Variants in RHBDL3 observed in about 807,000 individuals in gnomAD.
The protein encoded by RHBDL3 is rhomboid-related protein 3.
Under a neutral mutation model 48.2 loss-of-function variants are expected in RHBDL3, and 28 were observed. The ratio of observed to expected loss-of-function variants is 0.58; its 90% CI spans 0.43 to 0.80. RHBDL3 has a LOEUF of 0.80. Ranked by LOEUF, RHBDL3 falls within the 30% of genes least tolerant of loss-of-function variation. The pLI, the probability that RHBDL3 is intolerant of heterozygous loss-of-function variation, is 0.00. For missense variants in RHBDL3, 464 were observed against 542.7 expected (o/e 0.85, Z 1.44); for synonymous variants, 208 against 232.3 (o/e 0.90, Z 0.95).
At chr17:32,320,673 T>G (rs75749401) in intron 8 of RHBDL3, among the ~76,000 whole-genome samples, 2,446 of 152,330 alleles carry the variant, frequency 0.016, 68 homozygotes, top group Admixed American at 0.081. Flanking sequence ...GGCTAAAGAA[T>G]TTCCCTCCTT....
chr17:32,294,124 A>C (rs537319603), intron 4 of RHBDL3, among the ~76,000 whole-genome samples, 170 bp from the exon 5 acceptor site: 2 of 136,564 alleles, frequency 1.5e-5, no homozygotes, highest in African/African-American at 3.0e-5. Flanking sequence ...GCGAAACTCC[A>C]TCTCAAAAAA....
At chr17:32,283,785 C>T (rs918124134) in intron 2 of RHBDL3, among the ~76,000 whole-genome samples, 2 of 152,160 alleles carry the variant, frequency 1.3e-5, no homozygotes, top group Admixed American at 6.5e-5. Flanking sequence ...GATACCGACC[C>T]GCGAGGCGCC....
intron 4 of RHBDL3, among the ~76,000 whole-genome samples, chr17:32,291,339 GAAAAA>G (rs930949086): frequency 7.9e-6 from 1 of 125,904 alleles, no homozygotes; most frequent in African/African-American, 3.0e-5. Flanking sequence ...TCTCAAAAAA[GAAAAA>G]AAGAAAAAAA....
chr17:32,278,594 C>G (rs1325495700), intron 2 of RHBDL3, among the ~76,000 whole-genome samples: 2 of 152,152 alleles, frequency 1.3e-5, no homozygotes, highest in African/African-American at 4.8e-5. Flanking sequence ...TTAGCCACAG[C>G]ACTCTAGTGA....
intron 2 of RHBDL3, among the ~76,000 whole-genome samples, chr17:32,276,728 GGCCCTAGCACCTTACTCCA>G (rs1349572011): frequency 4.6e-4 from 52 of 113,212 alleles, no homozygotes; most frequent in African/African-American, 1.2e-3. Flanking sequence ...ACCTTACTCC[GGCCCTAGCACCTTACTCCA>G]GCCCTAGCAC....
chr17:32,284,673 CACAGGCT>C lies in RHBDL3; in HGVS notation c.154_160del (p.Gly52LeufsTer45). On this transcript the variant is annotated frameshift_variant, in exon 3 of 9. Coordinates refer to ENST00000269051, the MANE Select transcript of RHBDL3 (RefSeq NM_138328.3). LOFTEE classifies it high-confidence loss of function. ...TTTTCCCTCAGTTTGACCCTGGGAACACAGGCTACATTAGCACAGGCAAGTTCCGGAG... is the reference window on the plus strand; with the variant it reads ...TTTTCCCTCAGTTTGACCCTGGGAACACATTAGCACAGGCAAGTTCCGGAG... 1 of 1,614,110 alleles carries C rather than the reference CACAGGCT, an allele frequency of 6.2e-7. No individual in the cohort carries two copies. Among genetic ancestry groups the C allele is most frequent in the Non-Finnish European group, 8.5e-7 (1 of 1,179,958 alleles).
intron 2 of RHBDL3, among the ~76,000 whole-genome samples, chr17:32,269,501 A>G (rs1271040658): frequency 1.3e-5 from 2 of 152,236 alleles, no homozygotes; most frequent in African/African-American, 4.8e-5. Flanking sequence ...GCCTGGGGTG[A>G]GGATTTGGGG....
intron 2 of RHBDL3, among the ~76,000 whole-genome samples, chr17:32,271,548 G>T (rs898516219): frequency 1.3e-5 from 2 of 152,166 alleles, no homozygotes; most frequent in African/African-American, 4.8e-5. Flanking sequence ...AAATAGCGGG[G>T]CAGTGACAGA....
At chr17:32,313,172 A>T (rs2040885201) in intron 7 of RHBDL3, among the ~76,000 whole-genome samples, 2 of 152,028 alleles carry the variant, frequency 1.3e-5, no homozygotes, top group South Asian at 4.2e-4. Context: ...ACCTGACAAC[A>T]TAGTGAAGTT....
intron 6 of RHBDL3, among the ~76,000 whole-genome samples, chr17:32,302,844 G>A (rs961444858): frequency 3.9e-5 from 6 of 152,174 alleles, no homozygotes; most frequent in Non-Finnish European, 5.9e-5. Context: ...CTCCAGCACT[G>A]GCAAACTGTT....
At chr17:32,276,892 T>TTACTCCGGCCCTAGCACAG (rs2039925711) in intron 2 of RHBDL3, among the ~76,000 whole-genome samples, 2 of 51,712 alleles carry the variant, frequency 3.9e-5, no homozygotes, top group African/African-American at 4.4e-4. Flanking sequence ...CCCTAGCACC[T>TTACTCCGGCCCTAGCACAG]TACTCCGGCC....
chr17:32,290,142 TC>T (rs1195411477), intron 4 of RHBDL3, among the ~76,000 whole-genome samples: 1 of 152,228 alleles, frequency 6.6e-6, no homozygotes, highest in Non-Finnish European at 1.5e-5. Context: ...GAACGGCTCC[TC>T]AGAGAGCCCA....
chr17:32,274,263 T>C (rs1418096344), intron 2 of RHBDL3, among the ~76,000 whole-genome samples: 1 of 152,210 alleles, frequency 6.6e-6, no homozygotes, highest in Non-Finnish European at 1.5e-5. Flanking sequence ...CTAGCACTCC[T>C]CTGTCTGGTG....
chr17:32,319,266 C>CA (rs1406407155), intron 8 of RHBDL3, among the ~76,000 whole-genome samples: 61 of 151,150 alleles, frequency 4.0e-4, no homozygotes, highest in African/African-American at 1.4e-3. Context: ...ACTAAAAATA[C>CA]AAAAAATTAG....
At position 32,322,430 on chromosome 17, in the gene RHBDL3, C is replaced by T. The variant is rs2041158513; in HGVS notation, c.*1201C>T. The T allele has an allele frequency of 6.6e-6, 1 of 152,316 alleles. No homozygotes were observed. The highest frequency in any genetic ancestry group is 2.4e-5 in the African/African-American group (1 of 41,444). The allele number at this position is 152,316 out of a possible 1,614,324, so 9.4% of individuals were successfully genotyped here. On this transcript the variant is annotated 3_prime_UTR_variant, in exon 9 of 9. Transcript: ENST00000269051. ...ATGCTGAGGTTTGCCAGGTTCAGCT[C>T]TTGTTTCCGTCTGAGATGGCCTTCA... is the stretch of plus-strand genomic sequence containing the variant.
chr17:32,281,550 CT>C (rs986107970), intron 2 of RHBDL3, among the ~76,000 whole-genome samples: 7 of 152,140 alleles, frequency 4.6e-5, no homozygotes, highest in African/African-American at 1.4e-4. Context: ...ACCCCACCCC[CT>C]ATCTACCCAC....
chr17:32,321,086 C>T lies in RHBDL3; in HGVS notation c.1072C>T (p.Leu358=), dbSNP rs774868118. The change falls in exon 9 of 9, where the codon CTG becomes TTG. Residue 358 remains leucine (L), a synonymous_variant. Transcript: ENST00000269051. ...GGGCATCACCCTGGGCGTGGTGGTC[C>T]TGAGGAACTACGAGCAGAGGCTCCA... ...AVGITLGVVV[L]RNYEQRLQDQ... is the part of the protein sequence containing the mutation. The T allele has an allele frequency of 6.2e-7, 1 of 1,614,240 alleles. No individual in the cohort carries two copies. Among genetic ancestry groups the T allele is most frequent in the South Asian group, 1.1e-5 (1 of 91,088 alleles).
chr17:32,279,929 A>G (rs1371861740), intron 2 of RHBDL3, among the ~76,000 whole-genome samples: 1 of 152,188 alleles, frequency 6.6e-6, no homozygotes, highest in Non-Finnish European at 1.5e-5. Flanking sequence ...TCCCCTACCT[A>G]GATGGGCTGA....
intron 2 of RHBDL3, among the ~76,000 whole-genome samples, chr17:32,277,048 G>A (rs974385162): frequency 2.0e-5 from 3 of 152,242 alleles, no homozygotes; most frequent in African/African-American, 7.2e-5. Context: ...GCCTTGGTGT[G>A]TGTACATGGG....
Sources: allele counts gnomAD v4.1 joint callset (sites outside exome capture counted in the v4.1 genomes callset), GRCh38; gene constraint gnomAD v4.1.1; transcripts MANE v1.5; gene names NCBI Gene and HGNC (gene_info 2026-07-23, HGNC 2026-07-21).